CCSER1: variants seen among roughly 807,000 people sequenced by gnomAD.
The protein encoded by CCSER1 is serine-rich coiled-coil domain-containing protein 1.
Under a neutral mutation model 82.0 loss-of-function variants are expected in CCSER1, and 41 were observed. The ratio of observed to expected loss-of-function variants is 0.50; its 90% CI spans 0.39 to 0.65. CCSER1 has a LOEUF of 0.65. CCSER1 is among the 30% of genes least tolerant of loss of function. CCSER1 has a pLI of 0.00. For synonymous variants in CCSER1, 414 were observed against 383.9 expected (o/e 1.08, Z -0.92); for missense variants, 1,119 against 1,064.2 (o/e 1.05, Z -0.72).
chr4:91,258,081 A>G (rs1370072115), intron 10 of CCSER1, among the ~76,000 whole-genome samples: 2 of 152,102 alleles, frequency 1.3e-5, no homozygotes, highest in African/African-American at 4.8e-5. Context: ...TTAAATATAT[A>G]CATGTCAATA....
intron 10 of CCSER1, among the ~76,000 whole-genome samples, chr4:91,546,476 G>C (rs543981336): frequency 1.3e-5 from 2 of 152,092 alleles, no homozygotes; most frequent in Non-Finnish European, 2.9e-5. Flanking sequence ...TTGACAAATT[G>C]TTTTTCAATT....
chr4:91,162,432 A>T (rs556496498), intron 10 of CCSER1, among the ~76,000 whole-genome samples: 2 of 152,316 alleles, frequency 1.3e-5, no homozygotes, highest in African/African-American at 4.8e-5. Flanking sequence ...TATCAGGATG[A>T]TGCTGGCCTC....
intron 1 of CCSER1, among the ~76,000 whole-genome samples, chr4:90,206,502 G>A (rs933597645): frequency 2.0e-5 from 3 of 152,092 alleles, no homozygotes; most frequent in African/African-American, 7.2e-5. Flanking sequence ...ATGTAGTTGT[G>A]TGGCTTTGAG....
chr4:90,720,653 AT>A (rs1300165807), intron 6 of CCSER1, among the ~76,000 whole-genome samples: 3 of 152,088 alleles, frequency 2.0e-5, no homozygotes, highest in Non-Finnish European at 4.4e-5. Flanking sequence ...TGACTTGGAA[AT>A]TGTATATACA....
chr4:91,020,991 C>T (rs930321258), intron 9 of CCSER1, among the ~76,000 whole-genome samples: 2 of 151,972 alleles, frequency 1.3e-5, no homozygotes, highest in African/African-American at 4.8e-5. Context: ...GTTAAGAAAA[C>T]GAGATACTTC....
At chr4:90,550,399 T>C (rs1452844974) in intron 5 of CCSER1, among the ~76,000 whole-genome samples, 1 of 152,198 alleles carries the variant, frequency 6.6e-6, no homozygotes, top group Non-Finnish European at 1.5e-5. Context: ...GTAATCCTAT[T>C]AGTTCCTGTT....
chr4:90,825,382 T>C (rs1477975604), intron 8 of CCSER1, among the ~76,000 whole-genome samples: 1 of 152,234 alleles, frequency 6.6e-6, no homozygotes, highest in Non-Finnish European at 1.5e-5. Context: ...TATTTTATAC[T>C]TCTTTTGTTA....
chr4:90,308,981 G>A lies in CCSER1; in HGVS notation c.697G>A (p.Asp233Asn). 2 of 1,613,814 alleles carry A rather than the reference G, an allele frequency of 1.2e-6. No homozygotes were observed. The highest frequency in any genetic ancestry group is 8.5e-7 in the Non-Finnish European group (1 of 1,179,832). Residue 233 changes from aspartate to asparagine, a missense_variant, in exon 2 of 11, where the codon GAT becomes AAT. Coordinates refer to ENST00000509176, the MANE Select transcript of CCSER1 (RefSeq NM_001145065.2). ...AAGAGCTTCGCCATCCTGTTCTGTG[G>A]ATGTAACAGAACGGGCAGGAAGCTC... ...LVRASPSCSV[D>N]VTERAGSSLQ... is the part of the protein sequence containing the mutation.
chr4:91,150,056 A>T (rs970226410), intron 10 of CCSER1, among the ~76,000 whole-genome samples: 1 of 152,186 alleles, frequency 6.6e-6, no homozygotes, highest in Admixed American at 6.5e-5. Flanking sequence ...TTGAATCTAT[A>T]AATTACCTTG....
At chr4:90,208,316 C>T (rs1318182820) in intron 1 of CCSER1, among the ~76,000 whole-genome samples, 1 of 152,140 alleles carries the variant, frequency 6.6e-6, no homozygotes, top group African/African-American at 2.4e-5. Flanking sequence ...GGGAAAATCG[C>T]CTACTCAAGC....
intron 5 of CCSER1, among the ~76,000 whole-genome samples, chr4:90,559,141 T>C (rs894060823): frequency 6.6e-6 from 1 of 152,232 alleles, no homozygotes; most frequent in Non-Finnish European, 1.5e-5. Flanking sequence ...ATCTGATTTG[T>C]ATATTCTATT....
At chr4:90,941,848 A>G (rs1435963168) in intron 9 of CCSER1, among the ~76,000 whole-genome samples, 3 of 152,180 alleles carry the variant, frequency 2.0e-5, no homozygotes, top group Non-Finnish European at 2.9e-5. Flanking sequence ...ATCGATGTAT[A>G]TATCCCTCAT....
chr4:91,507,936 A>T (rs546500129), intron 10 of CCSER1, among the ~76,000 whole-genome samples: 243 of 150,730 alleles, frequency 1.6e-3, no homozygotes, highest in African/African-American at 5.7e-3. Context: ...ATCCCACAAC[A>T]TATCTGAGCT....
intron 6 of CCSER1, among the ~76,000 whole-genome samples, chr4:90,704,372 G>A (rs904097787): frequency 2.0e-5 from 3 of 152,132 alleles, no homozygotes; most frequent in South Asian, 2.1e-4. Flanking sequence ...TCCCTTTGTG[G>A]GTAACCCGAC....
At chr4:91,032,829 A>C (rs1462597011) in intron 9 of CCSER1, among the ~76,000 whole-genome samples, 1 of 152,186 alleles carries the variant, frequency 6.6e-6, no homozygotes, top group Non-Finnish European at 1.5e-5. Context: ...GTAAGTCTTG[A>C]ATGGGGCCTG....
chr4:91,351,739 AT>A (rs896305831), intron 10 of CCSER1, among the ~76,000 whole-genome samples: 41 of 152,202 alleles, frequency 2.7e-4, no homozygotes, highest in African/African-American at 9.4e-4. Context: ...TTTTAAATTA[AT>A]TTTTACATTA....
chr4:90,967,363 C>T (rs781187126), intron 9 of CCSER1, among the ~76,000 whole-genome samples: 1 of 151,788 alleles, frequency 6.6e-6, no homozygotes, highest in African/African-American at 2.4e-5. Flanking sequence ...GCAGGAGAAT[C>T]GCTTGAACCC....
intron 10 of CCSER1, among the ~76,000 whole-genome samples, chr4:91,489,335 G>A (rs543314026): frequency 1.3e-5 from 2 of 152,188 alleles, no homozygotes; most frequent in Admixed American, 1.3e-4. Context: ...TGAGTAATAC[G>A]GAAAGTAATT....
intron 4 of CCSER1, among the ~76,000 whole-genome samples, chr4:90,436,762 A>G (rs1480643067): frequency 6.6e-6 from 1 of 152,112 alleles, no homozygotes; most frequent in Non-Finnish European, 1.5e-5. Context: ...ATATATGTAC[A>G]CATATATGTA....
Sources: allele counts gnomAD v4.1 joint callset (sites outside exome capture counted in the v4.1 genomes callset), GRCh38; gene constraint gnomAD v4.1.1; transcripts MANE v1.5; gene names NCBI Gene and HGNC (gene_info 2026-07-23, HGNC 2026-07-21).